GAB1: variants seen among roughly 807,000 people sequenced by gnomAD.
GAB1 encodes the protein GRB2-associated-binding protein 1.
Under a neutral mutation model 66.5 loss-of-function variants are expected in GAB1, and 19 were observed. The ratio of observed to expected loss-of-function variants is 0.29; its 90% CI spans 0.20 to 0.42. GAB1 has a LOEUF of 0.42. GAB1 is among the 10% of genes least tolerant of loss of function. The pLI is 1.00. For missense variants in GAB1, 732 were observed against 858.5 expected, an observed-to-expected ratio of 0.85 and a Z score of 1.84; for synonymous variants, 294 against 301.4, an observed-to-expected ratio of 0.98 and a Z score of 0.25.
intron 1 of GAB1, among the ~76,000 whole-genome samples, chr4:143,387,841 T>A (rs1006562102): frequency 2.6e-5 from 4 of 152,198 alleles, no homozygotes; most frequent in Non-Finnish European, 5.9e-5. Context: ...ATCTTGATCC[T>A]ATCCTGTCTT....
In GAB1 at chr4:143,434,480, G is replaced by C. The variant is rs542231038; in HGVS notation, c.593+764G>C. Among the ~76,000 whole-genome samples, 25 of 151,320 alleles carry C rather than the reference G, an allele frequency of 1.7e-4. No individual in the cohort carries two copies. The East Asian group carries it at 3.7e-3, about 22-fold the overall frequency. Reference sequence around the variant, plus strand: ...AGTATTCCTTCTGCCTCAGCCCCCAGGTAGCTAGGACTTCAGGTGCATGCC... The same window carrying C: ...AGTATTCCTTCTGCCTCAGCCCCCACGTAGCTAGGACTTCAGGTGCATGCC... On this transcript the variant is annotated intron_variant, in intron 3 of 9. Coordinates refer to ENST00000262994, the MANE Select transcript of GAB1 (RefSeq NM_002039.4).
At chr4:143,432,144 G>A (rs1437832321) in intron 2 of GAB1, among the ~76,000 whole-genome samples, 2 of 152,176 alleles carry the variant, frequency 1.3e-5, no homozygotes, top group Admixed American at 6.5e-5. Flanking sequence ...ACTGCGCAGG[G>A]CCTTTTGGCC....
chr4:143,438,333 C>T lies in GAB1; in HGVS notation c.928C>T (p.Pro310Ser), dbSNP rs1004151438. Residue 310 changes from proline (P) to serine (S), a missense_variant, in exon 4 of 10, where the codon CCT becomes TCT. Pro to Ser is a moderately conservative substitution (Grantham distance 74). Around this residue, in one of 4 missense-constraint regions of GAB1, gnomAD observed 427 missense variants for 420.6 expected, o/e 1.02. Transcript: ENST00000262994. ...GCATGTATCTATTAGTTATGACATT[C>T]CTCCAACACCTGGTAATACTTATCA... ...MRHVSISYDI[P>S]PTPGNTYQIP... The T allele has an allele frequency of 6.2e-6, 10 of 1,613,934 alleles. No homozygotes were observed. In the African/African-American group the frequency reaches 1.2e-4, roughly 19 times the overall value.
chr4:143,391,521 T>C (rs1322758173), intron 1 of GAB1: 1 of 152,144 alleles, frequency 6.6e-6, no homozygotes, highest in Non-Finnish European at 1.5e-5. Flanking sequence ...AAGGACAAAG[T>C]ACACTGGCTT....
chr4:143,459,235 T>C, intron 6 of GAB1, 150 bp from the exon 7 acceptor site: 2 of 612,354 alleles, frequency 3.3e-6, no homozygotes, highest in Non-Finnish European at 5.8e-6. Flanking sequence ...GCAAATCATG[T>C]AACATTCATG....
intron 2 of GAB1, among the ~76,000 whole-genome samples, chr4:143,431,300 G>A (rs1347159154): frequency 1.3e-5 from 2 of 152,168 alleles, no homozygotes; most frequent in Admixed American, 6.5e-5. Context: ...GGGGTTTCAT[G>A]AGGAAAACAG....
At chr4:143,454,471 A>C (rs1192001122) in intron 6 of GAB1, among the ~76,000 whole-genome samples, 2 of 152,236 alleles carry the variant, frequency 1.3e-5, no homozygotes, top group African/African-American at 4.8e-5. Flanking sequence ...TTTTATTAGA[A>C]AGAGAAATCT....
intron 1 of GAB1, among the ~76,000 whole-genome samples, chr4:143,412,932 C>A (rs1732474178): frequency 6.6e-6 from 1 of 152,046 alleles, no homozygotes. Flanking sequence ...AGTATAGGGG[C>A]AAATGACACT....
intron 6 of GAB1, among the ~76,000 whole-genome samples, chr4:143,444,838 A>C (rs1734425522): frequency 6.6e-6 from 1 of 152,142 alleles, no homozygotes; most frequent in South Asian, 2.1e-4. Flanking sequence ...TCTCACTTGT[A>C]AGTGAGAACA....
At chr4:143,383,840 C>T (rs1391099065) in intron 1 of GAB1, among the ~76,000 whole-genome samples, 15 of 152,180 alleles carry the variant, frequency 9.9e-5, no homozygotes, top group Non-Finnish European at 2.9e-5. Context: ...TTTTGGGGGC[C>T]GAGGTAGGAG....
At chr4:143,359,068 C>G (rs1729559503) in intron 1 of GAB1, among the ~76,000 whole-genome samples, 1 of 152,062 alleles carries the variant, frequency 6.6e-6, no homozygotes, top group Admixed American at 6.6e-5. Context: ...AACTGCAGAG[C>G]TAAGTAAATG....
chr4:143,365,727 G>A (rs900784690), intron 1 of GAB1, among the ~76,000 whole-genome samples: 6 of 152,186 alleles, frequency 3.9e-5, no homozygotes, highest in Non-Finnish European at 1.5e-5. Flanking sequence ...ATACTTAAGG[G>A]AGCTTTCGTG....
At chr4:143,456,471 A>T (rs1379725171) in intron 6 of GAB1, among the ~76,000 whole-genome samples, 1 of 151,096 alleles carries the variant, frequency 6.6e-6, no homozygotes. Context: ...AAAAAAAAAA[A>T]GTTGTCATCT....
intron 1 of GAB1, among the ~76,000 whole-genome samples, chr4:143,369,093 C>T (rs1730007305): frequency 6.6e-6 from 1 of 152,194 alleles, no homozygotes; most frequent in African/African-American, 2.4e-5. Context: ...GTGTGCACCA[C>T]CACGCTCAGG....
At chr4:143,408,193 A>G (rs752713035) in intron 1 of GAB1, among the ~76,000 whole-genome samples, 31 of 152,352 alleles carry the variant, frequency 2.0e-4, no homozygotes, top group Middle Eastern at 3.4e-3. Context: ...TCCATTCACT[A>G]ATTGCAGAGT....
At chr4:143,348,407 TC>T (rs1729056399) in intron 1 of GAB1, among the ~76,000 whole-genome samples, 1 of 152,246 alleles carries the variant, frequency 6.6e-6, no homozygotes, top group Non-Finnish European at 1.5e-5. Context: ...TCTTGGCTGT[TC>T]CTTGTACAGT....
At chr4:143,351,999 G>C (rs1729244689) in intron 1 of GAB1, among the ~76,000 whole-genome samples, 2 of 152,210 alleles carry the variant, frequency 1.3e-5, no homozygotes. Flanking sequence ...TAATGTTTGA[G>C]AAAAACAGTC....
At chr4:143,424,117 A>G (rs1422707507) in intron 2 of GAB1, among the ~76,000 whole-genome samples, 2 of 152,132 alleles carry the variant, frequency 1.3e-5, no homozygotes, top group African/African-American at 4.8e-5. Flanking sequence ...TTAAAAGTGT[A>G]TCTGTAAAAA....
chr4:143,419,631 TAAAAC>T (rs891146698), intron 2 of GAB1, among the ~76,000 whole-genome samples: 33 of 152,154 alleles, frequency 2.2e-4, no homozygotes, highest in Non-Finnish European at 4.7e-4. Context: ...CATTAATAGA[TAAAAC>T]AAGTATCTAA....
Sources: allele counts gnomAD v4.1 joint callset (sites outside exome capture counted in the v4.1 genomes callset), GRCh38; gene constraint gnomAD v4.1.1; regional missense constraint gnomAD v4.1.1; transcripts MANE v1.5; gene names NCBI Gene and HGNC (gene_info 2026-07-23, HGNC 2026-07-21).